The following PNLIP variants were observed in gnomAD, a reference collection of about 807,000 sequenced individuals.
PNLIP encodes the protein pancreatic lipase.
PNLIP carries 49 observed loss-of-function variants against 57.1 expected under a neutral mutation model. The observed-to-expected ratio is 0.86, with a 90% CI of 0.68 to 1.09. The LOEUF (loss-of-function observed/expected upper bound fraction) is 1.09, where lower values mean the gene tolerates loss of function less well. PNLIP is among the 50% of genes least tolerant of loss of function. The probability of loss-of-function intolerance (pLI) is 0.00; values close to 1 mark genes in which losing one functional copy is unlikely to be tolerated. For missense variants in PNLIP, 503 were observed against 570.2 expected, an observed-to-expected ratio of 0.88 and a Z score of 1.20; for synonymous variants, 209 against 200.4, an observed-to-expected ratio of 1.04 and a Z score of -0.36.
chr10:116,567,170 CTCTT>C (rs140989695), intron 12 of PNLIP, among the ~76,000 whole-genome samples: 1,821 of 138,794 alleles, frequency 0.013, 37 homozygotes, highest in African/African-American at 0.045. Context: ...TTCTTTCTTT[CTCTT>C]TCTTTCTTTT....
chr10:116,555,600 C>T (rs1279545341), intron 8 of PNLIP, 93 bp downstream of exon 8: 1 of 1,363,806 alleles, frequency 7.3e-7, no homozygotes, highest in East Asian at 2.3e-5. Context: ...TTGTACAGGT[C>T]TCACATTTTA....
rs1271122521 is a variant in PNLIP, at chr10:116,560,509, A to G, written c.1154A>G (p.Gln385Arg). Reference protein sequence around the residue: ...SLFGNKGNSKQYEIFKGTLKP... With the variant: ...SLFGNKGNSKRYEIFKGTLKP... ...TTCGGAAATAAAGGAAACTCTAAGC[A>G]GTATGAAATTTTCAAGTGAGTAAAA... The change falls in exon 11 of 13, where the codon CAG (glutamine) becomes CGG (arginine). Residue 385 changes from glutamine to arginine, a missense_variant. Coordinates refer to ENST00000369221, the MANE Select transcript of PNLIP (RefSeq NM_000936.4). 14 of 1,510,914 alleles carry G rather than the reference A, an allele frequency of 9.3e-6. No homozygotes were observed. Among genetic ancestry groups the G allele is most frequent in the Non-Finnish European group, 1.3e-5 (14 of 1,097,270 alleles). 93.6% of individuals were successfully genotyped at this position (1,510,914 alleles called of 1,614,324 possible).
Position 116,560,313 on chromosome 10 carries a change from A to G in PNLIP, c.1061-103A>G, listed in dbSNP as rs532692616. 9 of 628,656 alleles carry G rather than the reference A, an allele frequency of 1.4e-5. No individual in the cohort carries two copies. The South Asian group carries it at 1.8e-4, about 12-fold the overall frequency. The allele number at this position is 628,656 out of a possible 1,614,324, so 38.9% of individuals were successfully genotyped here. On this transcript the variant is annotated intron_variant, in intron 10 of 12. Transcript: ENST00000369221. Reference sequence around the variant, plus strand: ...CACACACACACACACACACACAATTATAAATAAATTATTCAAAACGTGGCA... The same window carrying G: ...CACACACACACACACACACACAATTGTAAATAAATTATTCAAAACGTGGCA...
intron 12 of PNLIP, among the ~76,000 whole-genome samples, chr10:116,561,993 T>C (rs182302321): frequency 6.6e-6 from 1 of 152,320 alleles, no homozygotes; most frequent in East Asian, 1.9e-4. Context: ...GCTGTTTAAG[T>C]TGCTGGAAAC....
chr10:116,548,581 T>A, intron 4 of PNLIP, 99 bp downstream of exon 4: 1 of 1,319,126 alleles, frequency 7.6e-7, no homozygotes, highest in South Asian at 1.4e-5. Flanking sequence ...TGCTTGGAGG[T>A]CTTGGAGGAT....
At chr10:116,554,447 T>C (rs762257154) in intron 6 of PNLIP, among the ~76,000 whole-genome samples, 1 of 152,164 alleles carries the variant, frequency 6.6e-6, no homozygotes, top group Non-Finnish European at 1.5e-5. Flanking sequence ...GTGCTGCTAA[T>C]GAGATAACGA....
intron 4 of PNLIP, among the ~76,000 whole-genome samples, chr10:116,549,984 T>C (rs1847173067): frequency 6.6e-6 from 1 of 152,100 alleles, no homozygotes; most frequent in Non-Finnish European, 1.5e-5. Flanking sequence ...TTCCCTGCTT[T>C]GGATTTTTCC....
At chr10:116,565,353 A>T (rs1007218371) in intron 12 of PNLIP, among the ~76,000 whole-genome samples, 3 of 151,984 alleles carry the variant, frequency 2.0e-5, no homozygotes, top group African/African-American at 4.8e-5. Flanking sequence ...CATGTAAATA[A>T]TCATATAAAG....
At chr10:116,547,495 G>A (rs1475075045) in intron 3 of PNLIP, 47 bp downstream of exon 3, 2 of 1,537,878 alleles carry the variant, frequency 1.3e-6, no homozygotes, top group Non-Finnish European at 1.8e-6. Context: ...GGGAGGCCGA[G>A]GCGGGCGGTT....
At chr10:116,549,838 G>C (rs187868601) in intron 4 of PNLIP, among the ~76,000 whole-genome samples, 120 of 152,188 alleles carry the variant, frequency 7.9e-4, no homozygotes, top group African/African-American at 2.7e-3. Flanking sequence ...TTTTTGTTTT[G>C]TTTTGTTCTG....
At chr10:116,558,871 T>A (rs922577009) in intron 9 of PNLIP, among the ~76,000 whole-genome samples, 10 of 151,468 alleles carry the variant, frequency 6.6e-5, no homozygotes, top group Non-Finnish European at 1.5e-4. Context: ...GTGATCCACC[T>A]GCCTCAGCCT....
At position 116,567,821 on chromosome 10, in the gene PNLIP, T is replaced by C. The variant is rs1269701364; in HGVS notation, c.*23T>C. 7 of 1,564,482 alleles carry C rather than the reference T, an allele frequency of 4.5e-6. No homozygotes were observed. In the South Asian group the frequency reaches 6.7e-5, roughly 15 times the overall value. On this transcript the variant is annotated 3_prime_UTR_variant, in exon 13 of 13. Transcript: ENST00000369221. ...TAGGAGACTACTGTTATTTGACCAA[T>C]GAATTGACTTCTAATAAAATCTAGT...
intron 3 of PNLIP, 75 bp downstream of exon 3, chr10:116,547,523 G>C: frequency 8.3e-7 from 1 of 1,205,686 alleles, no homozygotes; most frequent in South Asian, 1.4e-5. Flanking sequence ...TCAGGAGATC[G>C]AGACCATGCT....
chr10:116,562,821 G>T (rs1385641831), intron 12 of PNLIP, among the ~76,000 whole-genome samples: 1 of 152,192 alleles, frequency 6.6e-6, no homozygotes. Context: ...ACAGGGTAGA[G>T]TATTTTAGAA....
At chr10:116,547,153 T>C in intron 2 of PNLIP, 141 bp from the exon 3 acceptor site, 1 of 736,982 alleles carries the variant, frequency 1.4e-6, no homozygotes, top group Non-Finnish European at 2.3e-6. Context: ...TGAAGCTGTT[T>C]TGTGAGTGTG....
chr10:116,546,513 A>G (rs1024465711), intron 2 of PNLIP, among the ~76,000 whole-genome samples: 4 of 152,226 alleles, frequency 2.6e-5, no homozygotes, highest in African/African-American at 9.6e-5. Flanking sequence ...CTACAACTGT[A>G]TTACCCTGAG....
In PNLIP at chr10:116,555,479, G is replaced by C; in HGVS notation, c.783G>C (p.Gln261His). ...MPGCKKNILSQIVDIDGIWEG... is the reference protein window; with the variant it reads ...MPGCKKNILSHIVDIDGIWEG... ...GATGTAAAAAGAACATTCTCTCTCAGATTGTGGACATAGACGGAATCTGGG... is the reference window on the plus strand; with the variant it reads ...GATGTAAAAAGAACATTCTCTCTCACATTGTGGACATAGACGGAATCTGGG... Residue 261 changes from glutamine to histidine, a missense_variant, in exon 8 of 13, where the codon CAG (glutamine) becomes CAC (histidine). Gln to His is a conservative substitution (Grantham distance 24, BLOSUM62 0). Coordinates refer to ENST00000369221, the MANE Select transcript of PNLIP (RefSeq NM_000936.4). The C allele has an allele frequency of 2.5e-6, 4 of 1,614,128 alleles. No individual in the cohort carries two copies. The highest frequency in any genetic ancestry group is 3.4e-6 in the Non-Finnish European group (4 of 1,179,978).
intron 2 of PNLIP, 95 bp downstream of exon 2, chr10:116,546,233 T>G (rs1847122060): frequency 9.5e-7 from 1 of 1,049,754 alleles, no homozygotes; most frequent in Admixed American, 1.7e-5. Flanking sequence ...AGTAATAACA[T>G]GAAGATTTAC....
rs189730108 is a variant in PNLIP at position 116,550,397 on chromosome 10, C to T, written c.325-701C>T. 2.3e-3 allele frequency among the ~76,000 whole-genome samples: 342 copies of T among 151,554 alleles called. 1 individual carries two copies. The highest frequency in any genetic ancestry group is 5.0e-3 in the Admixed American group (76 of 15,214). On this transcript the variant is annotated intron_variant, in intron 4 of 12. Coordinates refer to ENST00000369221, the MANE Select transcript of PNLIP (RefSeq NM_000936.4). ...TTTGAAAAAAAAAAAAGAAGCTATA[C>T]ATAAACACACTCAGACAACAGAATT...
Sources: allele counts gnomAD v4.1 joint callset (sites outside exome capture counted in the v4.1 genomes callset), GRCh38; gene constraint gnomAD v4.1.1; transcripts MANE v1.5; gene names NCBI Gene and HGNC (gene_info 2026-07-23, HGNC 2026-07-21).